Variants in ZNG1C observed in about 807,000 individuals in gnomAD.
ZNG1C encodes the protein zinc-regulated GTPase metalloprotein activator 1C.
chr9:68,289,674 TAAA>T, the ZNG1C span, among the ~76,000 whole-genome samples: 3 of 144,862 alleles, frequency 2.1e-5, no homozygotes, highest in Admixed American at 2.1e-4. Flanking sequence ...CCCAGTGGGT[TAAA>T]GAAGAAACGG....
At chr9:68,280,362 T>TCTTTGGAGGAGGAGAGGCGCTGCGTTC in the ZNG1C span, among the ~76,000 whole-genome samples, 3 of 151,856 alleles carry the variant, frequency 2.0e-5, no homozygotes, top group South Asian at 2.1e-4. Context: ...GAGCTGCGTT[T>TCTTTGGAGGAGGAGAGGCGCTGCGTTC]CTTTGGAGGA....
chr9:68,244,546 G>A, the ZNG1C span, among the ~76,000 whole-genome samples: 1 of 130,094 alleles, frequency 7.7e-6, no homozygotes, highest in South Asian at 2.4e-4. Context: ...GTTTTTAGCA[G>A]CACTGTAATA....
At chr9:68,294,002 G>C in the ZNG1C span, among the ~76,000 whole-genome samples, 1 of 150,738 alleles carries the variant, frequency 6.6e-6, no homozygotes, top group Admixed American at 6.6e-5. Context: ...GACCACAGTG[G>C]AATAAAACTG....
the ZNG1C span, among the ~76,000 whole-genome samples, chr9:68,294,169 A>G: frequency 2.7e-5 from 4 of 145,610 alleles, no homozygotes; most frequent in Non-Finnish European, 6.1e-5. Context: ...TCTGGGATAC[A>G]GCAAAGGTGG....
At chr9:68,282,661 G>C in the ZNG1C span, among the ~76,000 whole-genome samples, 1 of 81,832 alleles carries the variant, frequency 1.2e-5, no homozygotes, top group African/African-American at 3.9e-5. Context: ...GCAGCCAGAA[G>C]TGTGGGACAG....
chr9:68,257,611 G>T, the ZNG1C span, among the ~76,000 whole-genome samples: 1 of 118,262 alleles, frequency 8.5e-6, no homozygotes, highest in Non-Finnish European at 1.8e-5. Context: ...TAATGTTAGA[G>T]CCTTTTATTT....
the ZNG1C span, chr9:68,299,285 T>C: frequency 7.2e-7 from 1 of 1,379,572 alleles, no homozygotes. Context: ...TCTTCAATTT[T>C]AGAAAAGTGG....
the ZNG1C span, among the ~76,000 whole-genome samples, chr9:68,247,047 T>C: frequency 6.6e-6 from 1 of 151,520 alleles, no homozygotes; most frequent in Non-Finnish European, 1.5e-5. Context: ...TTAGCGAGGG[T>C]GGTCTCGATC....
At chr9:68,281,320 G>T in the ZNG1C span, among the ~76,000 whole-genome samples, 2 of 152,232 alleles carry the variant, frequency 1.3e-5, no homozygotes, top group South Asian at 4.1e-4. Context: ...GCTGGGAGCT[G>T]TAGACCGGAG....
chr9:68,276,286 T>C, the ZNG1C span, among the ~76,000 whole-genome samples: 1 of 132,390 alleles, frequency 7.6e-6, no homozygotes, highest in Non-Finnish European at 1.6e-5. Flanking sequence ...TTTCTTTTGC[T>C]GTGCAGAAGC....
At chr9:68,266,891 C>CA in the ZNG1C span, among the ~76,000 whole-genome samples, 2 of 152,138 alleles carry the variant, frequency 1.3e-5, no homozygotes, top group Non-Finnish European at 2.9e-5. Context: ...TGTCCATAGC[C>CA]AAGGCTGATC....
the ZNG1C span, among the ~76,000 whole-genome samples, chr9:68,246,361 TAAACTA>T: frequency 1.7e-5 from 2 of 116,694 alleles, no homozygotes; most frequent in African/African-American, 6.8e-5. Flanking sequence ...CTGATTTTAA[TAAACTA>T]AAGAGAAAAG....
the ZNG1C span, among the ~76,000 whole-genome samples, chr9:68,266,894 G>A: frequency 6.6e-6 from 1 of 152,134 alleles, no homozygotes; most frequent in African/African-American, 2.4e-5. Context: ...CCATAGCCAA[G>A]GCTGATCAGC....
At chr9:68,253,609 ATTTC>A in the ZNG1C span, 1 of 134,614 alleles carries the variant, frequency 7.4e-6, no homozygotes, top group Non-Finnish European at 1.6e-5. Context: ...GATTGGCTGG[ATTTC>A]TTTGTCCAAT....
the ZNG1C span, among the ~76,000 whole-genome samples, chr9:68,276,130 C>T: frequency 7.5e-5 from 11 of 147,582 alleles, no homozygotes; most frequent in South Asian, 2.2e-4. Flanking sequence ...TCATGTCCTT[C>T]GCCCACTTTT....
At chr9:68,247,329 T>G in the ZNG1C span, among the ~76,000 whole-genome samples, 1 of 151,208 alleles carries the variant, frequency 6.6e-6, no homozygotes, top group South Asian at 2.1e-4. Flanking sequence ...AAAAAATGCC[T>G]TCATTAAGAA....
chr9:68,257,661 A>G, the ZNG1C span, among the ~76,000 whole-genome samples: 4 of 115,354 alleles, frequency 3.5e-5, no homozygotes, highest in Admixed American at 2.8e-4. Context: ...TTTTGCTTTT[A>G]TTTTCTCTTG....
chr9:68,276,540 A>G, the ZNG1C span, among the ~76,000 whole-genome samples: 2 of 149,530 alleles, frequency 1.3e-5, no homozygotes, highest in African/African-American at 2.5e-5. Context: ...CGGTTTTCCC[A>G]GCACCATTTA....
chr9:68,287,918 CAA>C, the ZNG1C span, among the ~76,000 whole-genome samples: 1 of 133,834 alleles, frequency 7.5e-6, no homozygotes, highest in Non-Finnish European at 1.6e-5. Context: ...GACCAACTAT[CAA>C]GAGAAATTTC....
Sources: gnomAD v4.1 joint callset for allele counts (sites outside exome capture counted in the v4.1 genomes callset) on GRCh38, gnomAD v4.1.1 for gene constraint, MANE v1.5 for transcripts, NCBI Gene and HGNC (gene_info 2026-07-23, HGNC 2026-07-21) for gene names.